Variants in BICD1 observed in about 807,000 individuals in gnomAD.
The protein encoded by BICD1 is BICD cargo adaptor 1.
In BICD1, 35 loss-of-function variants were observed where a neutral mutation model predicts 92.5. That is an observed-to-expected ratio of 0.38 (90% CI 0.29 to 0.50). The LOEUF is 0.50. Ranked by LOEUF, BICD1 falls within the 20% of genes least tolerant of loss-of-function variation. BICD1 has a pLI of 0.93. For synonymous variants in BICD1, 429 were observed against 465.1 expected (o/e 0.92, Z 1.00); for missense variants, 950 against 1,189.8 (o/e 0.80, Z 2.97).
chr12:32,162,016 A>G (rs1943615562), intron 1 of BICD1, among the ~76,000 whole-genome samples: 1 of 152,186 alleles, frequency 6.6e-6, no homozygotes, highest in African/African-American at 2.4e-5. Flanking sequence ...GCCCCTTACC[A>G]TACCCGTCAG....
chr12:32,208,555 A>G lies in BICD1; in HGVS notation c.214-7692A>G, dbSNP rs148154696. On this transcript the variant is annotated intron_variant, in intron 1 of 9. Coordinates refer to ENST00000652176, the MANE Select transcript of BICD1 (RefSeq NM_001714.4). ...TCTGCCCTTTCAAGGATCAGGCTTG[A>G]GTCTGTCAGGGAGGCCTCATGTCTC... 5.8e-4 allele frequency among the ~76,000 whole-genome samples: 88 copies of G among 152,222 alleles called. No homozygotes were observed. In the East Asian group the frequency reaches 0.015, roughly 25 times the overall value.
intron 3 of BICD1, among the ~76,000 whole-genome samples, chr12:32,294,367 G>C (rs995873347): frequency 2.6e-5 from 4 of 152,062 alleles, no homozygotes; most frequent in African/African-American, 9.7e-5. Flanking sequence ...TATTGAATAA[G>C]AAAAAGAATT....
Position 32,306,117 on chromosome 12 carries a change from A to C in BICD1, c.1000A>C (p.Met334Leu), listed in dbSNP as rs375989586. ...SEIQKLKQQL[M>L]QVEREKAILL... ...AATACAGAAGTTGAAGCAGCAGCTT[A>C]TGCAGGTAAGAACTTTGTTTAGGGC... Residue 334 changes from methionine (M) to leucine (L), a missense_variant, in exon 4 of 10, where the codon ATG (methionine) becomes CTG (leucine). This residue lies in a region of BICD1 where 246 missense variants were observed against 258.4 expected (regional missense o/e 0.95). Transcript: ENST00000652176. 6.3e-7 allele frequency: 1 copy of C among 1,593,488 alleles called. No individual in the cohort carries two copies. Among genetic ancestry groups the C allele is most frequent in the Non-Finnish European group, 8.5e-7 (1 of 1,172,106 alleles).
At chr12:32,272,716 C>T (rs1259275095) in intron 2 of BICD1, among the ~76,000 whole-genome samples, 1 of 152,202 alleles carries the variant, frequency 6.6e-6, no homozygotes, top group Non-Finnish European at 1.5e-5. Flanking sequence ...ATCTCAGCTA[C>T]TAGTGAGACC....
chr12:32,298,343 C>T (rs1467706779), intron 3 of BICD1, among the ~76,000 whole-genome samples: 2 of 150,874 alleles, frequency 1.3e-5, no homozygotes, highest in Non-Finnish European at 3.0e-5. Context: ...GGGCGGATCG[C>T]GAGGTCAGGA....
At chr12:32,115,572 CAG>C (rs1941862312) in intron 1 of BICD1, among the ~76,000 whole-genome samples, 1 of 151,918 alleles carries the variant, frequency 6.6e-6, no homozygotes, top group Non-Finnish European at 1.5e-5. Context: ...CCGAGAAGCT[CAG>C]AGTTTGGGTG....
rs1938553214 is a variant in BICD1, at chr12:32,346,107, C to CACTCCAGTTT, written c.2764+7129_2764+7130insCTCCAGTTTA. On this transcript the variant is annotated intron_variant, in intron 8 of 9. Transcript: ENST00000652176. ...GAGGCTGCAGTGAGCCATGATCGTG[C>CACTCCAGTTT]AACTGCACTCCAGGCTGGGTGACAG... 3.3e-5 allele frequency among the ~76,000 whole-genome samples: 5 copies of CACTCCAGTTT among 152,184 alleles called. No individual in the cohort carries two copies. In the South Asian group the frequency reaches 1.0e-3, roughly 31 times the overall value.
intron 1 of BICD1, among the ~76,000 whole-genome samples, chr12:32,153,805 G>A (rs1943359619): frequency 6.7e-6 from 1 of 149,796 alleles, no homozygotes; most frequent in African/African-American, 2.5e-5. Context: ...GTGTATATAT[G>A]TAATACATAT....
At chr12:32,244,629 A>AT (rs57854307) in intron 2 of BICD1, among the ~76,000 whole-genome samples, 2,600 of 135,666 alleles carry the variant, frequency 0.019, 52 homozygotes, top group East Asian at 0.071. Flanking sequence ...TTGATATAGG[A>AT]TTTTTTTTTT....
At chr12:32,147,366 C>CA (rs1943145470) in intron 1 of BICD1, among the ~76,000 whole-genome samples, 3 of 152,192 alleles carry the variant, frequency 2.0e-5, no homozygotes, top group African/African-American at 7.2e-5. Context: ...CCACAACGCT[C>CA]ATTTCACTGA....
At chr12:32,329,558 A>G (rs1035967732) in intron 5 of BICD1, among the ~76,000 whole-genome samples, 2 of 152,224 alleles carry the variant, frequency 1.3e-5, no homozygotes, top group African/African-American at 4.8e-5. Context: ...AACAAATTAA[A>G]TAGTTTGGGG....
intron 8 of BICD1, among the ~76,000 whole-genome samples, chr12:32,341,977 ATAG>A (rs1174077371): frequency 3.3e-5 from 5 of 151,826 alleles, no homozygotes; most frequent in African/African-American, 9.7e-5. Context: ...CCCATGGGAA[ATAG>A]TAGATTTTAT....
At chr12:32,133,891 T>C (rs1302582745) in intron 1 of BICD1, among the ~76,000 whole-genome samples, 6 of 151,864 alleles carry the variant, frequency 4.0e-5, no homozygotes, top group Admixed American at 3.9e-4. Flanking sequence ...ACGCCATTCT[T>C]CTGCCTCAGC....
At chr12:32,368,286 GCC>G (rs1429961339) in intron 9 of BICD1, among the ~76,000 whole-genome samples, 1 of 151,478 alleles carries the variant, frequency 6.6e-6, no homozygotes. Context: ...AATCGCTTGA[GCC>G]TGGGAGTTCA....
chr12:32,279,485 G>A lies in BICD1; in HGVS notation c.427-14509G>A, dbSNP rs563714074. Among the ~76,000 whole-genome samples, 10 of 152,172 alleles carry A rather than the reference G, an allele frequency of 6.6e-5. No homozygotes were observed. The East Asian group carries it at 7.7e-4, about 12-fold the overall frequency. On this transcript the variant is annotated intron_variant, in intron 2 of 9. Transcript: ENST00000652176. The stretch of plus-strand genomic sequence containing the variant: ...TAAAATGCAATGTCAATACGTATTC[G>A]TTTATTTTATTGCTTAAAATAATGT...
At chr12:32,280,681 A>G (rs978315531) in intron 2 of BICD1, among the ~76,000 whole-genome samples, 12 of 152,354 alleles carry the variant, frequency 7.9e-5, no homozygotes, top group African/African-American at 2.9e-4. Flanking sequence ...AATAATCAGT[A>G]TGCCAAAGTG....
intron 1 of BICD1, among the ~76,000 whole-genome samples, chr12:32,184,414 G>T (rs1225335482): frequency 6.6e-6 from 1 of 152,134 alleles, no homozygotes; most frequent in Admixed American, 6.5e-5. Context: ...AGCCTCCCGA[G>T]TAGCTGGGAT....
rs747312377 is a variant in BICD1, at chr12:32,305,902, A to G, written c.785A>G (p.His262Arg). 4 of 1,614,236 alleles carry G rather than the reference A, an allele frequency of 2.5e-6. No homozygotes were observed. The South Asian group carries it at 4.4e-5, about 18-fold the overall frequency. ...LSQYISLNDN[H>R]ISISVDGLKF... is the part of the protein sequence containing the mutation. ...CAGTATATCAGCCTCAATGATAACC[A>G]TATCAGCATCTCAGTAGATGGACTC... Residue 262 changes from histidine to arginine, a missense_variant, in exon 4 of 10, where the codon CAT (histidine) becomes CGT (arginine). By Grantham distance (29) the His-to-Arg change is conservative. Around this residue, in one of 5 missense-constraint regions of BICD1, gnomAD observed 246 missense variants for 258.4 expected, o/e 0.95. Transcript: ENST00000652176.
intron 1 of BICD1, among the ~76,000 whole-genome samples, chr12:32,167,976 A>C (rs1479425757): frequency 6.6e-6 from 1 of 151,474 alleles, no homozygotes; most frequent in African/African-American, 2.4e-5. Flanking sequence ...TAATGTCCTC[A>C]ACAGGTAACA....
Sources: allele counts gnomAD v4.1 joint callset (sites outside exome capture counted in the v4.1 genomes callset), GRCh38; gene constraint gnomAD v4.1.1; regional missense constraint gnomAD v4.1.1; transcripts MANE v1.5; gene names NCBI Gene and HGNC (gene_info 2026-07-23, HGNC 2026-07-21).